PAM: variants seen among roughly 807,000 people sequenced by gnomAD.
PAM encodes peptidyl-glycine alpha-amidating monooxygenase.
A neutral mutation model predicts 122.1 loss-of-function variants in PAM; 72 were observed. The observed-to-expected ratio is 0.59, with a 90% CI of 0.49 to 0.72. The LOEUF is 0.72. Among genes scored for constraint, PAM ranks in the 30% least tolerant of loss-of-function variants. PAM has a pLI of 0.00. For synonymous variants in PAM, 389 were observed against 404.4 expected (o/e 0.96, Z 0.46); for missense variants, 1,106 against 1,183.7 (o/e 0.93, Z 0.96).
intron 1 of PAM, among the ~76,000 whole-genome samples, chr5:102,823,403 T>TAA (rs992969156): frequency 2.7e-5 from 4 of 150,054 alleles, no homozygotes; most frequent in Non-Finnish European, 4.5e-5. Flanking sequence ...ACCCCTACTT[T>TAA]AAAAAAAAAA....
chr5:102,888,175 T>C (rs1433152599), intron 3 of PAM, among the ~76,000 whole-genome samples: 1 of 152,060 alleles, frequency 6.6e-6, no homozygotes, highest in Non-Finnish European at 1.5e-5. Context: ...TCAATATGTA[T>C]TTCAGGGATA....
In PAM at chr5:102,825,614, G is replaced by A. The variant is rs150000228; in HGVS notation, c.-373-40209G>A. 3.4e-3 allele frequency among the ~76,000 whole-genome samples: 515 copies of A among 152,186 alleles called. 4 individuals carry two copies. Among genetic ancestry groups the A allele is most frequent in the Admixed American group, 0.014 (214 of 15,274 alleles). On this transcript the variant is annotated intron_variant, in intron 1 of 25. Transcript: ENST00000438793. ...AGTCATGGAACCTCTTTGATCCTCAGTTTCAATACAGAGAATAAGAGTAAT... is the reference window on the plus strand; with the variant it reads ...AGTCATGGAACCTCTTTGATCCTCAATTTCAATACAGAGAATAAGAGTAAT...
chr5:102,825,655 A>G (rs561089046), intron 1 of PAM, among the ~76,000 whole-genome samples: 2 of 152,250 alleles, frequency 1.3e-5, no homozygotes, highest in African/African-American at 2.4e-5. Flanking sequence ...TACTACTTCA[A>G]TCCTGTACAA....
intron 15 of PAM, among the ~76,000 whole-genome samples, chr5:102,984,944 A>G (rs1381306310): frequency 6.6e-6 from 1 of 152,178 alleles, no homozygotes. Flanking sequence ...GAAGCTGTAC[A>G]AATACATGGA....
chr5:102,765,313 A>C (rs1753568622), intron 1 of PAM, among the ~76,000 whole-genome samples: 1 of 152,254 alleles, frequency 6.6e-6, no homozygotes, highest in Non-Finnish European at 1.5e-5. Context: ...AATAAGATGA[A>C]GATACCAAGC....
At chr5:102,934,684 T>C (rs1752696134) in intron 7 of PAM, among the ~76,000 whole-genome samples, 1 of 152,170 alleles carries the variant, frequency 6.6e-6, no homozygotes, top group African/African-American at 2.4e-5. Flanking sequence ...TTGAAAGGTA[T>C]TCAACTGAAT....
chr5:103,016,246 C>A (rs889596734), intron 21 of PAM, among the ~76,000 whole-genome samples: 1 of 152,132 alleles, frequency 6.6e-6, no homozygotes, highest in African/African-American at 2.4e-5. Flanking sequence ...TTCTAAAGTA[C>A]GATAGTATCT....
At chr5:102,968,827 T>C (rs1446539271) in intron 14 of PAM, among the ~76,000 whole-genome samples, 2 of 152,048 alleles carry the variant, frequency 1.3e-5, no homozygotes, top group Non-Finnish European at 2.9e-5. Context: ...TAGCGAAGAC[T>C]TGGAACCAAC....
At chr5:102,790,492 G>T (rs1307086779) in intron 1 of PAM, among the ~76,000 whole-genome samples, 1 of 151,992 alleles carries the variant, frequency 6.6e-6, no homozygotes, top group East Asian at 1.9e-4. Flanking sequence ...TTCTTATGAG[G>T]ATGATTTGAC....
chr5:102,787,195 A>G (rs772139521), intron 1 of PAM, among the ~76,000 whole-genome samples: 4 of 152,028 alleles, frequency 2.6e-5, no homozygotes, highest in Non-Finnish European at 4.4e-5. Context: ...TTTTCAATCT[A>G]TTTCAAGTGG....
chr5:102,937,988 G>A lies in PAM; in HGVS notation c.527-8849G>A, dbSNP rs539793902. On this transcript the variant is annotated intron_variant, in intron 7 of 25. Transcript: ENST00000438793. The stretch of plus-strand genomic sequence containing the variant: ...TAATCCATTTCCCTTATCATGTAGA[G>A]ATATTTCTAAATCAGGTTGCTTGAT... Among the ~76,000 whole-genome samples, 3 of 152,198 alleles carry A rather than the reference G, an allele frequency of 2.0e-5. No individual in the cohort carries two copies. In the South Asian group the frequency reaches 6.2e-4, roughly 32 times the overall value.
intron 16 of PAM, among the ~76,000 whole-genome samples, chr5:102,993,699 A>G (rs1774842706): frequency 6.6e-6 from 1 of 152,124 alleles, no homozygotes; most frequent in African/African-American, 2.4e-5. Context: ...GATCTGTTTT[A>G]CAGCTCATTT....
chr5:102,836,859 C>CGAGAGAGAGAGAGAGA lies in PAM; in HGVS notation c.-373-28940_-373-28925dup, dbSNP rs57617414. Among the ~76,000 whole-genome samples the CGAGAGAGAGAGAGAGA allele has an allele frequency of 1.6e-3, 195 of 120,802 alleles. 6 individuals are homozygous for CGAGAGAGAGAGAGAGA. Among genetic ancestry groups the CGAGAGAGAGAGAGAGA allele is most frequent in the African/African-American group, 5.6e-3 (156 of 28,022 alleles). The allele number at this position is 120,802 out of a possible 152,430, so 79.3% of individuals were successfully genotyped here. ...ATTATGGATGGACCAAGAAAGAAAC[C>CGAGAGAGAGAGAGAGA]GAGAGAGAGAGAGAGAGAGAGAGAG... On this transcript the variant is annotated intron_variant, in intron 1 of 25. Transcript: ENST00000438793.
chr5:103,030,385 T>C (rs1217033510), downstream of PAM: 7 of 152,238 alleles, frequency 4.6e-5, no homozygotes, highest in Non-Finnish European at 1.0e-4. Context: ...TAATTTTCCA[T>C]TTTAAAATGA....
chr5:103,002,084 G>A (rs1235295856), intron 16 of PAM, among the ~76,000 whole-genome samples: 2 of 151,636 alleles, frequency 1.3e-5, no homozygotes, highest in Admixed American at 6.6e-5. Flanking sequence ...CCTTTTTTGA[G>A]AAGATAACTT....
chr5:102,802,455 G>T (rs895823767), intron 1 of PAM, among the ~76,000 whole-genome samples: 1 of 152,076 alleles, frequency 6.6e-6, no homozygotes, highest in African/African-American at 2.4e-5. Flanking sequence ...CTATTACATA[G>T]ACTGAGAAAA....
At chr5:102,939,296 T>C (rs1291634721) in intron 7 of PAM, among the ~76,000 whole-genome samples, 2 of 152,236 alleles carry the variant, frequency 1.3e-5, no homozygotes, top group East Asian at 1.9e-4. Context: ...TTATTCTTTT[T>C]TCCATCTTTA....
chr5:102,793,034 T>C (rs1388343398), intron 1 of PAM, among the ~76,000 whole-genome samples: 1 of 152,232 alleles, frequency 6.6e-6, no homozygotes, highest in Non-Finnish European at 1.5e-5. Context: ...ATCTTGGGCC[T>C]CATAGGAGCA....
chr5:102,775,973 C>T (rs1426336962), intron 1 of PAM, among the ~76,000 whole-genome samples: 2 of 152,122 alleles, frequency 1.3e-5, no homozygotes, highest in Non-Finnish European at 2.9e-5. Context: ...TAAAAACATT[C>T]CTATTTCTCC....
Sources: allele counts gnomAD v4.1 joint callset (sites outside exome capture counted in the v4.1 genomes callset), GRCh38; gene constraint gnomAD v4.1.1; transcripts MANE v1.5; gene names NCBI Gene and HGNC (gene_info 2026-07-23, HGNC 2026-07-21).